The following RARB variants were observed in gnomAD, a reference collection of about 807,000 sequenced individuals.
RARB encodes HBV-activated protein.
RARB carries 17 observed loss-of-function variants against 51.9 expected under a neutral mutation model. The ratio of observed to expected loss-of-function variants is 0.33; its 90% CI spans 0.22 to 0.49. The LOEUF (loss-of-function observed/expected upper bound fraction) is 0.49, where lower values mean the gene tolerates loss of function less well. Among genes scored for constraint, RARB ranks in the 20% least tolerant of loss-of-function variants. RARB has a pLI of 0.99. For synonymous variants in RARB, 215 were observed against 195.4 expected, an observed-to-expected ratio of 1.10 and a Z score of -0.84; for missense variants, 369 against 550.8, an observed-to-expected ratio of 0.67 and a Z score of 3.30.
intron 3 of RARB, among the ~76,000 whole-genome samples, chr3:25,065,664 T>C (rs1462962062): frequency 6.6e-6 from 1 of 152,222 alleles, no homozygotes; most frequent in African/African-American, 2.4e-5. Context: ...AGACTAAAAG[T>C]TCTTCAAATA....
At chr3:25,358,965 G>A (rs1016854668) in intron 5 of RARB, among the ~76,000 whole-genome samples, 1 of 151,770 alleles carries the variant, frequency 6.6e-6, no homozygotes, top group African/African-American at 2.4e-5. Flanking sequence ...TCTCTGCCAG[G>A]TTTTGGTATC....
At chr3:25,531,836 G>A (rs1153604) in intron 3 of RARB, among the ~76,000 whole-genome samples, 75,280 of 151,912 alleles carry the variant, frequency 0.5, 22,188 homozygotes, top group African/African-American at 0.83. Flanking sequence ...AGAAGAGCTC[G>A]ATTTAATTTC....
At chr3:24,981,282 G>C (rs1696665425) in intron 2 of RARB, among the ~76,000 whole-genome samples, 1 of 152,194 alleles carries the variant, frequency 6.6e-6, no homozygotes, top group African/African-American at 2.4e-5. Flanking sequence ...GCCATGTTGG[G>C]AGAACCACTG....
chr3:24,908,184 A>G (rs1243355337), intron 2 of RARB, among the ~76,000 whole-genome samples: 1 of 152,196 alleles, frequency 6.6e-6, no homozygotes, highest in Non-Finnish European at 1.5e-5. Context: ...ATTCTTGTTC[A>G]GATATTTGGT....
chr3:25,479,538 T>C (rs1181219813), intron 2 of RARB, among the ~76,000 whole-genome samples: 1 of 152,252 alleles, frequency 6.6e-6, no homozygotes, highest in Non-Finnish European at 1.5e-5. Flanking sequence ...CGAATCCTTA[T>C]AAGTACATGT....
intron 5 of RARB, among the ~76,000 whole-genome samples, chr3:25,262,381 C>T (rs1033004504): frequency 6.6e-6 from 1 of 152,198 alleles, no homozygotes; most frequent in African/African-American, 2.4e-5. Flanking sequence ...TCTGCTATAA[C>T]AAATTCCCAC....
intron 1 of RARB, among the ~76,000 whole-genome samples, chr3:24,838,297 A>G (rs375321544): frequency 2.0e-5 from 3 of 152,144 alleles, no homozygotes; most frequent in Admixed American, 2.0e-4. Flanking sequence ...CCAGGATAAT[A>G]TCTCCTTTTT....
chr3:24,913,170 G>GAGACGGGGTTTCACTGTGTT (rs1695033896), intron 2 of RARB, among the ~76,000 whole-genome samples: 1 of 151,494 alleles, frequency 6.6e-6, no homozygotes, highest in Admixed American at 6.6e-5. Flanking sequence ...ATTTTTAGTA[G>GAGACGGGGTTTCACTGTGTT]AGACGGGGTT....
chr3:25,411,960 G>T (rs549389847), intron 5 of RARB, among the ~76,000 whole-genome samples: 1 of 152,232 alleles, frequency 6.6e-6, no homozygotes, highest in Non-Finnish European at 1.5e-5. Flanking sequence ...AGCAGCTGAC[G>T]TTGGGGAAAT....
chr3:24,925,976 C>T (rs1163108676), intron 2 of RARB, among the ~76,000 whole-genome samples: 2 of 152,116 alleles, frequency 1.3e-5, no homozygotes, highest in Non-Finnish European at 2.9e-5. Flanking sequence ...AAGGAACGCA[C>T]ACACTCCTGT....
intron 2 of RARB, among the ~76,000 whole-genome samples, chr3:25,485,134 G>A (rs1473462538): frequency 6.6e-6 from 1 of 152,116 alleles, no homozygotes; most frequent in Non-Finnish European, 1.5e-5. Context: ...ACTAAGCTGT[G>A]TTCCTGGAAT....
intron 2 of RARB, among the ~76,000 whole-genome samples, chr3:24,891,289 C>G (rs1307848404): frequency 6.6e-6 from 1 of 152,158 alleles, no homozygotes; most frequent in Admixed American, 6.5e-5. Context: ...AGTATATGCT[C>G]TACCCAACTA....
chr3:25,554,928 C>T (rs1699996210), intron 3 of RARB, among the ~76,000 whole-genome samples: 1 of 152,144 alleles, frequency 6.6e-6, no homozygotes, highest in Non-Finnish European at 1.5e-5. Flanking sequence ...CAGTTCCTCT[C>T]ATGACCCATT....
At chr3:25,201,558 G>T (rs1394127614) in intron 5 of RARB, among the ~76,000 whole-genome samples, 2 of 152,106 alleles carry the variant, frequency 1.3e-5, no homozygotes, top group Non-Finnish European at 2.9e-5. Flanking sequence ...TATGATATTG[G>T]CTGTGGGTTT....
At position 24,990,543 on chromosome 3, in the gene RARB, T is replaced by C. The variant is rs1487395713; in HGVS notation, c.-379-69582T>C. Among the ~76,000 whole-genome samples, 2 of 108,598 alleles carry C rather than the reference T, an allele frequency of 1.8e-5. 1 individual carries two copies. Among genetic ancestry groups the C allele is most frequent in the Non-Finnish European group, 3.7e-5 (2 of 53,522 alleles). 71.2% of individuals were successfully genotyped at this position (108,598 alleles called of 152,430 possible). On this transcript the variant is annotated intron_variant, in intron 2 of 11. Coordinates refer to the RARB transcript ENST00000383772. The stretch of plus-strand genomic sequence containing the variant: ...TGAGATTATTAAATATAATGTGAGA[T>C]ATCTGATTTGTTCTTTTTTGCATTT...
At chr3:24,962,964 C>T (rs1043881911) in intron 2 of RARB, among the ~76,000 whole-genome samples, 5 of 152,146 alleles carry the variant, frequency 3.3e-5, no homozygotes, top group African/African-American at 4.8e-5. Context: ...CGAAGTCACC[C>T]ATCCATAATT....
chr3:25,338,293 T>A (rs1705125478), intron 5 of RARB, among the ~76,000 whole-genome samples: 1 of 152,228 alleles, frequency 6.6e-6, no homozygotes, highest in African/African-American at 2.4e-5. Context: ...ATCTAGAGGC[T>A]GTATTTACAA....
At chr3:25,139,212 G>C (rs1559480303) in intron 4 of RARB, among the ~76,000 whole-genome samples, 1 of 152,068 alleles carries the variant, frequency 6.6e-6, no homozygotes. Context: ...ATGAAAGAAA[G>C]AGTAACAAGT....
chr3:25,234,679 C>A (rs1231488859), intron 5 of RARB, among the ~76,000 whole-genome samples: 2 of 151,906 alleles, frequency 1.3e-5, no homozygotes, highest in African/African-American at 4.8e-5. Flanking sequence ...CCAAATAGTT[C>A]CCTTTTCTTC....
Sources: allele counts gnomAD v4.1 joint callset (sites outside exome capture counted in the v4.1 genomes callset), GRCh38; gene constraint gnomAD v4.1.1; transcripts MANE v1.5; gene names NCBI Gene and HGNC (gene_info 2026-07-23, HGNC 2026-07-21).